ERBB4: variants seen among roughly 807,000 people sequenced by gnomAD.
The protein encoded by ERBB4 is erb-b2 receptor tyrosine kinase 4.
ERBB4 carries 42 observed loss-of-function variants against 158.0 expected under a neutral mutation model. That is an observed-to-expected ratio of 0.27 (90% CI 0.21 to 0.34). ERBB4 has a LOEUF of 0.34. Among genes scored for constraint, ERBB4 ranks in the 10% least tolerant of loss-of-function variants. The probability of loss-of-function intolerance (pLI) is 1.00; values close to 1 mark genes in which losing one functional copy is unlikely to be tolerated. For missense variants in ERBB4, 1,333 were observed against 1,624.1 expected, an observed-to-expected ratio of 0.82 and a Z score of 3.08; for synonymous variants, 583 against 558.7, an observed-to-expected ratio of 1.04 and a Z score of -0.61.
intron 16 of ERBB4, among the ~76,000 whole-genome samples, chr2:211,630,901 T>C (rs943829072): frequency 4.6e-5 from 7 of 152,162 alleles, no homozygotes; most frequent in African/African-American, 1.4e-4. Flanking sequence ...GAAAAACATA[T>C]GCCAAGACAT....
intron 12 of ERBB4, among the ~76,000 whole-genome samples, chr2:211,679,851 T>A (rs1408693855): frequency 6.6e-6 from 1 of 152,142 alleles, no homozygotes; most frequent in Admixed American, 6.5e-5. Flanking sequence ...AGATAATTTT[T>A]GTATTTTTAG....
chr2:211,657,583 T>C (rs2071266339), intron 16 of ERBB4, 171 bp downstream of exon 16: 1 of 649,968 alleles, frequency 1.5e-6, no homozygotes, highest in Non-Finnish European at 2.8e-6. Context: ...GAAAAAGAAG[T>C]AAGAAAGTTG....
At chr2:212,487,772 A>G (rs763063583) in intron 1 of ERBB4, among the ~76,000 whole-genome samples, 5 of 152,160 alleles carry the variant, frequency 3.3e-5, no homozygotes, top group Non-Finnish European at 5.9e-5. Flanking sequence ...AATATCAAGC[A>G]TTGAGCTTAG....
intron 1 of ERBB4, among the ~76,000 whole-genome samples, chr2:212,365,066 T>C (rs1210808221): frequency 6.6e-6 from 1 of 151,632 alleles, no homozygotes; most frequent in African/African-American, 2.4e-5. Context: ...TAAAAATTTC[T>C]GGTCATTTAA....
At chr2:212,242,999 A>T (rs115468382) in intron 1 of ERBB4, among the ~76,000 whole-genome samples, 5,798 of 152,258 alleles carry the variant, frequency 0.038, 114 homozygotes, top group Middle Eastern at 0.058. Context: ...CCATTGCATG[A>T]AATTTGCCAC....
chr2:211,624,716 C>A (rs1259391028), intron 17 of ERBB4, among the ~76,000 whole-genome samples: 1 of 152,178 alleles, frequency 6.6e-6, no homozygotes, highest in Non-Finnish European at 1.5e-5. Flanking sequence ...GGGAGTGAGG[C>A]TCACTAGTTT....
chr2:211,664,316 C>T (rs954986298), intron 15 of ERBB4, among the ~76,000 whole-genome samples: 2 of 148,016 alleles, frequency 1.4e-5, no homozygotes, highest in African/African-American at 2.6e-5. Context: ...CAAGCTGATT[C>T]TCAACTACAA....
intron 1 of ERBB4, among the ~76,000 whole-genome samples, chr2:212,428,960 C>A (rs928247212): frequency 2.6e-5 from 4 of 152,052 alleles, no homozygotes; most frequent in African/African-American, 9.7e-5. Context: ...TTCCCAGCAA[C>A]TACTTTATGA....
At chr2:211,720,401 G>A (rs1182705500) in intron 7 of ERBB4, among the ~76,000 whole-genome samples, 3 of 152,156 alleles carry the variant, frequency 2.0e-5, no homozygotes, top group Non-Finnish European at 4.4e-5. Context: ...CCTGGTGTCA[G>A]ATTTTTATCA....
intron 1 of ERBB4, among the ~76,000 whole-genome samples, chr2:212,441,301 T>C (rs2092249330): frequency 6.6e-6 from 1 of 152,330 alleles, no homozygotes; most frequent in South Asian, 2.1e-4. Flanking sequence ...AGATAAACCC[T>C]GTGCTGCCTG....
At chr2:211,722,595 C>T (rs937200800) in intron 6 of ERBB4, 61 bp from the exon 7 acceptor site, 42 of 1,543,638 alleles carry the variant, frequency 2.7e-5, no homozygotes, top group East Asian at 1.8e-4. Context: ...GTTAATGAAA[C>T]GCTGCCAAAA....
chr2:211,667,582 G>A lies in ERBB4; in HGVS notation c.1717-2105C>T, dbSNP rs144166687. On this transcript the variant is annotated intron_variant, in intron 14 of 27. Transcript: ENST00000342788. ...CACCTGCTTATGGGTACTTAGGCACGTAATATTGTCTATTACACAGAATCA... is the reference window on the plus strand; with the variant it reads ...CACCTGCTTATGGGTACTTAGGCACATAATATTGTCTATTACACAGAATCA... 1.3e-4 allele frequency among the ~76,000 whole-genome samples: 20 copies of A among 152,194 alleles called. 1 individual carries two copies. The East Asian group carries it at 3.5e-3, about 26-fold the overall frequency.
intron 20 of ERBB4, among the ~76,000 whole-genome samples, chr2:211,550,581 A>G (rs1329165469): frequency 6.9e-6 from 1 of 145,656 alleles, no homozygotes. Flanking sequence ...TAGAATATAT[A>G]TATATATATA....
At chr2:211,872,691 T>C (rs1046109923) in intron 3 of ERBB4, among the ~76,000 whole-genome samples, 5 of 152,156 alleles carry the variant, frequency 3.3e-5, no homozygotes, top group Non-Finnish European at 5.9e-5. Context: ...TAGAAATAAT[T>C]GTTGTGCATT....
chr2:211,421,772 T>G (rs2063519450), intron 24 of ERBB4, among the ~76,000 whole-genome samples: 1 of 151,980 alleles, frequency 6.6e-6, no homozygotes, highest in Admixed American at 6.6e-5. Flanking sequence ...TGTATATGTA[T>G]AATCATAATT....
At chr2:212,195,199 A>G (rs2082389611) in intron 1 of ERBB4, among the ~76,000 whole-genome samples, 1 of 152,028 alleles carries the variant, frequency 6.6e-6, no homozygotes, top group East Asian at 1.9e-4. Context: ...CAAATTATAA[A>G]TTTGGTGTTA....
chr2:211,406,736 A>C (rs1276708065), intron 25 of ERBB4, among the ~76,000 whole-genome samples: 2 of 152,154 alleles, frequency 1.3e-5, no homozygotes, highest in South Asian at 4.1e-4. Context: ...GTAGATAGAT[A>C]ATAAACAAAA....
At chr2:212,080,812 A>G (rs1252595469) in intron 2 of ERBB4, among the ~76,000 whole-genome samples, 2 of 152,048 alleles carry the variant, frequency 1.3e-5, no homozygotes, top group Non-Finnish European at 2.9e-5. Flanking sequence ...TTCCTTCCCC[A>G]TTACATCTGA....
chr2:211,911,825 T>A (rs2079547657), intron 3 of ERBB4, among the ~76,000 whole-genome samples: 2 of 151,226 alleles, frequency 1.3e-5, no homozygotes, highest in African/African-American at 4.8e-5. Context: ...TCTTTTCTTT[T>A]TTTTTTTTTT....
Sources: allele counts gnomAD v4.1 joint callset (sites outside exome capture counted in the v4.1 genomes callset), GRCh38; gene constraint gnomAD v4.1.1; transcripts MANE v1.5; gene names NCBI Gene and HGNC (gene_info 2026-07-23, HGNC 2026-07-21).